KCNC2: variants seen among roughly 807,000 people sequenced by gnomAD.
KCNC2 encodes voltage-gated potassium channel KCNC2.
In KCNC2, 21 loss-of-function variants were observed where a neutral mutation model predicts 44.5. The ratio of observed to expected loss-of-function variants is 0.47; its 90% CI spans 0.33 to 0.68. The LOEUF (loss-of-function observed/expected upper bound fraction) is 0.68. Among genes scored for constraint, KCNC2 ranks in the 30% least tolerant of loss-of-function variants. The pLI is 0.01. For missense variants in KCNC2, 589 were observed against 826.2 expected (o/e 0.71, Z 3.52); for synonymous variants, 391 against 339.1 (o/e 1.15, Z -1.68).
At chr12:75,179,774 A>G (rs936934260) in intron 2 of KCNC2, among the ~76,000 whole-genome samples, 65 of 151,420 alleles carry the variant, frequency 4.3e-4, no homozygotes, top group African/African-American at 1.5e-3. Context: ...TATAAAAGAT[A>G]TAAAACTACT....
intron 2 of KCNC2, among the ~76,000 whole-genome samples, chr12:75,090,789 A>G (rs1885409187): frequency 6.9e-6 from 1 of 145,394 alleles, no homozygotes; most frequent in South Asian, 2.2e-4. Flanking sequence ...CATCATCCTC[A>G]TTACCATCAT....
intron 2 of KCNC2, among the ~76,000 whole-genome samples, chr12:75,197,804 A>G (rs2030903578): frequency 6.6e-6 from 1 of 152,008 alleles, no homozygotes; most frequent in Non-Finnish European, 1.5e-5. Context: ...ACAAAAGACT[A>G]TAGTGATAAA....
intron 2 of KCNC2, among the ~76,000 whole-genome samples, chr12:75,060,184 G>A (rs7970624): frequency 6.6e-6 from 1 of 151,998 alleles, no homozygotes; most frequent in Non-Finnish European, 1.5e-5. Context: ...ATTTAGCAAT[G>A]AAACAACTTG....
At chr12:75,173,310 T>C (rs1891957480) in intron 2 of KCNC2, among the ~76,000 whole-genome samples, 1 of 151,898 alleles carries the variant, frequency 6.6e-6, no homozygotes, top group Non-Finnish European at 1.5e-5. Context: ...TATAGAGATA[T>C]AGAAGAATCA....
At chr12:75,084,207 C>T (rs1884754551) in intron 2 of KCNC2, among the ~76,000 whole-genome samples, 1 of 150,162 alleles carries the variant, frequency 6.7e-6, no homozygotes, top group Non-Finnish European at 1.5e-5. Context: ...TCTCTGGAGG[C>T]TCATAATCTA....
At chr12:75,057,620 G>A (rs572983901) in intron 2 of KCNC2, among the ~76,000 whole-genome samples, 1 of 151,264 alleles carries the variant, frequency 6.6e-6, no homozygotes, top group Non-Finnish European at 1.5e-5. Context: ...TAGACTTCAG[G>A]TGTCTATATA....
intron 2 of KCNC2, among the ~76,000 whole-genome samples, chr12:75,166,150 T>C (rs190614131): frequency 6.6e-6 from 1 of 151,056 alleles, no homozygotes; most frequent in East Asian, 2.0e-4. Flanking sequence ...AAGGCAAAAA[T>C]TGGTATGAGA....
intron 2 of KCNC2, among the ~76,000 whole-genome samples, chr12:75,196,610 G>A (rs1045803856): frequency 3.3e-5 from 5 of 151,980 alleles, no homozygotes; most frequent in South Asian, 2.1e-4. Flanking sequence ...TGGTCCAGAT[G>A]AGAAAAAAGG....
intron 2 of KCNC2, among the ~76,000 whole-genome samples, chr12:75,203,117 CTT>C (rs2031420239): frequency 6.6e-6 from 1 of 151,712 alleles, no homozygotes; most frequent in Non-Finnish European, 1.5e-5. Flanking sequence ...CAAAACAAGA[CTT>C]AATACATTTT....
chr12:75,049,866 A>C (rs1880982133), intron 3 of KCNC2, among the ~76,000 whole-genome samples: 1 of 152,128 alleles, frequency 6.6e-6, no homozygotes, highest in African/African-American at 2.4e-5. Flanking sequence ...GTTATCAAAA[A>C]GGTTATCTTC....
Position 75,050,446 on chromosome 12 carries a change from G to A in KCNC2, c.1559C>T (p.Thr520Ile). ...TTTGCCCAGACATGTGTCACTCTGTGTACTATTGCAGGCCATATTTAATTC... is the reference window on the plus strand; with the variant it reads ...TTTGCCCAGACATGTGTCACTCTGTATACTATTGCAGGCCATATTTAATTC... Reference protein sequence around the residue: ...KTELNMACNSTQSDTCLGKDN... With the variant: ...KTELNMACNSIQSDTCLGKDN... Residue 520 changes from threonine (T) to isoleucine (I), a missense_variant, in exon 3 of 5, where the codon ACA (threonine) becomes ATA (isoleucine). Thr to Ile is a moderately conservative substitution (Grantham distance 89). This residue lies in a region of KCNC2 where 171 missense variants were observed against 182.4 expected (regional missense o/e 0.94). Coordinates refer to ENST00000549446, the MANE Select transcript of KCNC2 (RefSeq NM_139137.4). 6.2e-7 allele frequency: 1 copy of A among 1,613,562 alleles called. No homozygotes were observed.
chr12:75,171,653 G>A (rs2137582859), intron 2 of KCNC2, among the ~76,000 whole-genome samples: 1 of 151,812 alleles, frequency 6.6e-6, no homozygotes, highest in African/African-American at 2.4e-5. Flanking sequence ...AAGAAAGCTT[G>A]GTGCAAAAAT....
intron 2 of KCNC2, among the ~76,000 whole-genome samples, chr12:75,172,379 CTTAAAA>C (rs1891888356): frequency 5.3e-5 from 8 of 151,758 alleles, no homozygotes; most frequent in Middle Eastern, 3.4e-3. Flanking sequence ...GGATGCTGGC[CTTAAAA>C]CCTAGGTGAT....
intron 2 of KCNC2, among the ~76,000 whole-genome samples, chr12:75,054,171 A>T (rs1386731982): frequency 6.6e-6 from 1 of 151,890 alleles, no homozygotes; most frequent in East Asian, 1.9e-4. Context: ...GGTTGCAGTG[A>T]GCCAAGATTG....
intron 2 of KCNC2, among the ~76,000 whole-genome samples, chr12:75,129,087 T>C (rs576564658): frequency 4.3e-4 from 65 of 152,198 alleles, no homozygotes; most frequent in Non-Finnish European, 8.4e-4. Flanking sequence ...CAGCTAGTAA[T>C]AGTTGCTCTA....
At chr12:75,110,784 A>G (rs4267139) in intron 2 of KCNC2, among the ~76,000 whole-genome samples, 51,110 of 151,842 alleles carry the variant, frequency 0.34, 8,767 homozygotes, top group Admixed American at 0.37. Context: ...TATTAAAGTT[A>G]TAAAGTTGTA....
intron 2 of KCNC2, among the ~76,000 whole-genome samples, chr12:75,114,508 C>A (rs955282907): frequency 2.0e-5 from 3 of 152,112 alleles, no homozygotes; most frequent in African/African-American, 7.2e-5. Context: ...AGTCTTGGCC[C>A]CCTGAGCCTG....
chr12:75,198,181 T>G (rs185146488), intron 2 of KCNC2, among the ~76,000 whole-genome samples: 2 of 152,002 alleles, frequency 1.3e-5, no homozygotes, highest in African/African-American at 4.8e-5. Context: ...TTTCTAGCAT[T>G]GCATTCTAAG....
chr12:75,137,006 C>T (rs1592945945), intron 2 of KCNC2, among the ~76,000 whole-genome samples: 1 of 152,210 alleles, frequency 6.6e-6, no homozygotes. Context: ...GCTCTATTTT[C>T]CTCTTATTCC....
Sources: gnomAD v4.1 joint callset for allele counts (sites outside exome capture counted in the v4.1 genomes callset) on GRCh38, gnomAD v4.1.1 for gene constraint, gnomAD v4.1.1 regional missense constraint, MANE v1.5 for transcripts, NCBI Gene and HGNC (gene_info 2026-07-23, HGNC 2026-07-21) for gene names.